DCHS2: variants seen among roughly 807,000 people sequenced by gnomAD.
The protein encoded by DCHS2 is protocadherin-23.
DCHS2 carries 142 observed loss-of-function variants against 182.4 expected under a neutral mutation model. The observed-to-expected ratio is 0.78, with a 90% CI of 0.68 to 0.89. The LOEUF is 0.89. DCHS2 is among the 40% of genes least tolerant of loss of function. The pLI is 0.00. For synonymous variants in DCHS2, 1,740 were observed against 1,663.3 expected, an observed-to-expected ratio of 1.05 and a Z score of -1.12; for missense variants, 4,319 against 4,198.6, an observed-to-expected ratio of 1.03 and a Z score of -0.79.
In DCHS2 at chr4:154,235,187, G is replaced by A. The variant is rs568618708; in HGVS notation, c.9465C>T (p.Ala3155=). Residue 3155 remains alanine, a synonymous_variant, in exon 20 of 20, where the codon GCC becomes GCT. Coordinates refer to ENST00000357232, the MANE Select transcript of DCHS2 (RefSeq NM_001358235.2). ...ATGTTTGGCTGGCTTCTGCTGTTTC[G>A]GCAGTCACCATCACATCAGTTTCCC... The part of the protein sequence containing the change: ...LSGETDVMVT[A]ETAEASQTFG... 1.2e-4 allele frequency: 193 copies of A among 1,613,938 alleles called. 8 individuals are homozygous for A. The South Asian group carries it at 1.6e-3, about 14-fold the overall frequency.
Position 154,377,306 on chromosome 4 carries a change from C to T in DCHS2, c.2191G>A (p.Asp731Asn), listed in dbSNP as rs376441129. The T allele has an allele frequency of 9.1e-4, 1,473 of 1,613,640 alleles. 22 individuals carry two copies. In the South Asian group the frequency reaches 0.015, roughly 17 times the overall value. Reference sequence around the variant, plus strand: ...TAGGTAGCTGGATCCCTTTCCCTGTCGATATCTTGAGAAACACAGATTTGC... The same window carrying T: ...TAGGTAGCTGGATCCCTTTCCCTGTTGATATCTTGAGAAACACAGATTTGC... The part of the protein sequence containing the change: ...DGQICVSQDI[D>N]RERDPATYDL... The change falls in exon 2 of 20, where the codon GAC (aspartate) becomes AAC (asparagine). Residue 731 changes from aspartate (D) to asparagine (N), a missense_variant. By Grantham distance (23) the Asp-to-Asn change is conservative (BLOSUM62 1). Transcript: ENST00000357232.
At position 154,489,364 on chromosome 4, in the gene DCHS2, C is replaced by A; in HGVS notation, c.1992G>T (p.Trp664Cys). 6.5e-7 allele frequency: 1 copy of A among 1,549,696 alleles called. No homozygotes were observed. Among genetic ancestry groups the A allele is most frequent in the East Asian group, 2.4e-5 (1 of 40,824 alleles). Reference sequence around the variant, plus strand: ...CAATGGTGGCATTGTACACCTGCCTCCAGAAGATGGGCTCATTGTCATTCA... The same window carrying A: ...CAATGGTGGCATTGTACACCTGCCTACAGAAGATGGGCTCATTGTCATTCA... ...DDVNDNEPIFWRQVYNATIAE... is the reference protein window; with the variant it reads ...DDVNDNEPIFCRQVYNATIAE... The change falls in exon 1 of 20, where the codon TGG becomes TGT. Residue 664 changes from tryptophan (W) to cysteine (C), a missense_variant. Trp to Cys is a radical substitution (Grantham distance 215). Coordinates refer to ENST00000357232, the MANE Select transcript of DCHS2 (RefSeq NM_001358235.2).
chr4:154,480,952 A>G (rs1735897553), intron 1 of DCHS2, among the ~76,000 whole-genome samples: 2 of 152,218 alleles, frequency 1.3e-5, no homozygotes, highest in Admixed American at 1.3e-4. Flanking sequence ...ATAATATGTT[A>G]ACAATTATTT....
rs762274302 is a variant in DCHS2, at chr4:154,366,422, G to C, written c.2264C>G (p.Ala755Gly). ...AKDGGGLSAQAFVRVDLEDVN... is the reference protein window; with the variant it reads ...AKDGGGLSAQGFVRVDLEDVN... ...GTCCTCCAGGTCCACACGAACAAAG[G>C]CTTGGGCACTTAGCCCACCCTGGTG... is the stretch of plus-strand genomic sequence containing the variant. The change falls in exon 3 of 20, where the codon GCC (alanine) becomes GGC (glycine). Residue 755 changes from alanine to glycine, a missense_variant. Transcript: ENST00000357232. 3.1e-6 allele frequency: 5 copies of C among 1,613,340 alleles called. No homozygotes were observed. The highest frequency in any genetic ancestry group is 4.5e-5 in the East Asian group (2 of 44,810).
intron 14 of DCHS2, 118 bp downstream of exon 14, chr4:154,269,781 AT>A (rs1733483410): frequency 2.0e-5 from 25 of 1,249,648 alleles, no homozygotes; most frequent in Non-Finnish European, 2.6e-5. Context: ...AGCTTAAAAA[AT>A]TCTTTCTTGC....
Position 154,322,483 on chromosome 4 carries a change from T to G in DCHS2, c.4024A>C (p.Ser1342Arg). Reference protein sequence around the residue: ...EVTYSVSSEDSSDHFKIDANN... With the variant: ...EVTYSVSSEDRSDHFKIDANN... ...GCGTCAATCTTAAAGTGATCAGAACTATCTTCTACACACACAAGAAAATTA... is the reference window on the plus strand; with the variant it reads ...GCGTCAATCTTAAAGTGATCAGAACGATCTTCTACACACACAAGAAAATTA... Residue 1342 changes from serine (S) to arginine (R), a missense_variant, in exon 8 of 20, where the codon AGT becomes CGT. By Grantham distance (110) the Ser-to-Arg change is moderately radical (BLOSUM62 -1). Coordinates refer to ENST00000357232, the MANE Select transcript of DCHS2 (RefSeq NM_001358235.2). 2.5e-6 allele frequency: 4 copies of G among 1,606,994 alleles called. No individual in the cohort carries two copies. Among genetic ancestry groups the G allele is most frequent in the Non-Finnish European group, 3.4e-6 (4 of 1,177,536 alleles).
chr4:154,301,092 A>T (rs1178454687), intron 12 of DCHS2, among the ~76,000 whole-genome samples: 1 of 152,206 alleles, frequency 6.6e-6, no homozygotes, highest in Non-Finnish European at 1.5e-5. Context: ...ATTCACCTTT[A>T]TAAGCACTCT....
intron 10 of DCHS2, among the ~76,000 whole-genome samples, chr4:154,306,980 T>A (rs1554005244): frequency 6.6e-6 from 1 of 152,188 alleles, no homozygotes; most frequent in Non-Finnish European, 1.5e-5. Flanking sequence ...AGGTTTTTTA[T>A]CCCTAAGATA....
intron 4 of DCHS2, 45 bp downstream of exon 4, chr4:154,334,823 G>A (rs905257755): frequency 1.4e-6 from 2 of 1,465,226 alleles, no homozygotes; most frequent in Non-Finnish European, 1.9e-6. Flanking sequence ...AACAAGAAAT[G>A]TTCCAATAAT....
chr4:154,242,648 T>C lies in DCHS2; in HGVS notation c.7066A>G (p.Thr2356Ala). The change falls in exon 17 of 20, where the codon ACA becomes GCA. Residue 2356 changes from threonine to alanine, a missense_variant. By Grantham distance (58) the Thr-to-Ala change is moderately conservative. Transcript: ENST00000357232. ...GCCAAATTGTCACACTTACCTTCTG[T>C]AATTTCCACTGCTTCAGAGGGGAGA... ...AFLPSEAVEITEDSLPGVIVT... is the reference protein window; with the variant it reads ...AFLPSEAVEIAEDSLPGVIVT... 1.2e-6 allele frequency: 2 copies of C among 1,609,786 alleles called. No individual in the cohort carries two copies. Among genetic ancestry groups the C allele is most frequent in the African/African-American group, 1.3e-5 (1 of 74,780 alleles).
intron 1 of DCHS2, among the ~76,000 whole-genome samples, chr4:154,442,529 A>G (rs13140114): frequency 9.8e-5 from 4 of 41,006 alleles, no homozygotes; most frequent in Non-Finnish European, 1.9e-4. Context: ...AAAAGTGGAC[A>G]CCCCCCCCCC....
chr4:154,431,808 AT>A (rs1486772862), intron 1 of DCHS2, among the ~76,000 whole-genome samples: 2 of 152,208 alleles, frequency 1.3e-5, no homozygotes, highest in Non-Finnish European at 2.9e-5. Context: ...CAGAAGCTGA[AT>A]TCTTAGCCAT....
chr4:154,333,328 G>A lies in DCHS2; in HGVS notation c.2880C>T (p.Cys960=). 6.2e-7 allele frequency: 1 copy of A among 1,614,150 alleles called. No individual in the cohort carries two copies. Among genetic ancestry groups the A allele is most frequent in the Admixed American group, 1.7e-5 (1 of 60,018 alleles). ...CTGTTATGTTGACCTCGGTGCTGCTGCAGGCTGGGGCGCTGCCGAGCTGCG... is the reference window on the plus strand; with the variant it reads ...CTGTTATGTTGACCTCGGTGCTGCTACAGGCTGGGGCGCTGCCGAGCTGCG... ...VQAQLGSAPA[C]SSTEVNITVM... Residue 960 remains cysteine (C), a synonymous_variant, in exon 5 of 20, where the codon TGC becomes TGT. Coordinates refer to ENST00000357232, the MANE Select transcript of DCHS2 (RefSeq NM_001358235.2).
intron 9 of DCHS2, among the ~76,000 whole-genome samples, chr4:154,316,429 CT>C (rs1735858287): frequency 1.3e-5 from 2 of 152,018 alleles, no homozygotes; most frequent in Non-Finnish European, 2.9e-5. Context: ...AAGAATTATG[CT>C]CTCTTAATAT....
chr4:154,418,722 GAAAAT>G (rs1274287356), intron 1 of DCHS2, among the ~76,000 whole-genome samples: 2 of 152,046 alleles, frequency 1.3e-5, no homozygotes, highest in East Asian at 1.9e-4. Flanking sequence ...AATATAAAGG[GAAAAT>G]AAAAGTGATT....
intron 3 of DCHS2, among the ~76,000 whole-genome samples, chr4:154,343,297 C>T (rs898595183): frequency 6.6e-6 from 1 of 152,140 alleles, no homozygotes; most frequent in Non-Finnish European, 1.5e-5. Flanking sequence ...AGCATTGTTC[C>T]ACTTAAAGTC....
At chr4:154,386,498 T>C (rs1447517144) in intron 1 of DCHS2, among the ~76,000 whole-genome samples, 1 of 150,026 alleles carries the variant, frequency 6.7e-6, no homozygotes, top group Admixed American at 6.6e-5. Flanking sequence ...CTTTTTTTTC[T>C]TAACCCTGCT....
intron 7 of DCHS2, among the ~76,000 whole-genome samples, chr4:154,325,202 A>G (rs1410736417): frequency 6.6e-6 from 1 of 152,034 alleles, no homozygotes; most frequent in East Asian, 1.9e-4. Flanking sequence ...TCCCCGTAGA[A>G]AGTCACTTTT....
At position 154,235,038 on chromosome 4, in the gene DCHS2, A is replaced by G. The variant is rs113715697; in HGVS notation, c.9614T>C (p.Val3205Ala). 2.0e-5 allele frequency: 33 copies of G among 1,613,986 alleles called. No individual in the cohort carries two copies. Among genetic ancestry groups the G allele is most frequent in the East Asian group, 2.2e-5 (1 of 44,820 alleles). Residue 3205 changes from valine (V) to alanine (A), a missense_variant, in exon 20 of 20, where the codon GTC (valine) becomes GCC (alanine). Val to Ala is a moderately conservative substitution (Grantham distance 64). Transcript: ENST00000357232. ...TACTTCCTGATCACCTGAAATAAAG[A>G]CAGACTCTTTTCTAACGTCAGCCAG... ...SILADVRKES[V>A]FISGDQEVRC...
Sources: gnomAD v4.1 joint callset for allele counts (sites outside exome capture counted in the v4.1 genomes callset) on GRCh38, gnomAD v4.1.1 for gene constraint, MANE v1.5 for transcripts, NCBI Gene and HGNC (gene_info 2026-07-23, HGNC 2026-07-21) for gene names.